PLCG2: variants seen among roughly 807,000 people sequenced by gnomAD.
The protein encoded by PLCG2 is 1-phosphatidylinositol 4,5-bisphosphate phosphodiesterase gamma-2.
A neutral mutation model predicts 175.6 loss-of-function variants in PLCG2; 69 were observed. The ratio of observed to expected loss-of-function variants is 0.39; its 90% CI spans 0.32 to 0.48. The LOEUF (loss-of-function observed/expected upper bound fraction) is 0.48. Among genes scored for constraint, PLCG2 ranks in the 20% least tolerant of loss-of-function variants. The pLI is 0.91. For synonymous variants in PLCG2, 827 were observed against 624.0 expected, an observed-to-expected ratio of 1.33 and a Z score of -4.85; for missense variants, 1,798 against 1,650.9, an observed-to-expected ratio of 1.09 and a Z score of -1.54.
intron 31 of PLCG2, among the ~76,000 whole-genome samples, chr16:81,951,667 T>C (rs1427039374): frequency 6.6e-6 from 1 of 152,204 alleles, no homozygotes; most frequent in African/African-American, 2.4e-5. Flanking sequence ...TGTGTGAATA[T>C]AGATGTTAAA....
chr16:81,843,136 A>G (rs1905924225), intron 2 of PLCG2, among the ~76,000 whole-genome samples: 1 of 152,092 alleles, frequency 6.6e-6, no homozygotes, highest in Non-Finnish European at 1.5e-5. Flanking sequence ...ACCATGCAAG[A>G]GTGCATGGCC....
chr16:81,858,193 G>A, intron 3 of PLCG2, 70 bp from the exon 4 acceptor site: 1 of 1,085,948 alleles, frequency 9.2e-7, no homozygotes, highest in Non-Finnish European at 1.4e-6. Flanking sequence ...ATCTGTATGG[G>A]GCAGGGCTTT....
rs1911816290 is a variant in PLCG2 at position 81,962,593 on chromosome 16, A to C, written c.*4595A>C. ...ATGTGCTTTGTGTACATAGAGAATT[A>C]AGTGAATGAGTCACACAGATGTTGG... is the stretch of plus-strand genomic sequence containing the variant. On this transcript the variant is annotated 3_prime_UTR_variant, in exon 33 of 33. Transcript: ENST00000564138. 1 of 222,656 alleles carries C rather than the reference A, an allele frequency of 4.5e-6. No homozygotes were observed. The highest frequency in any genetic ancestry group is 2.2e-5 in the African/African-American group (1 of 44,806). The allele number at this position is 222,656 out of a possible 1,614,324, so 13.8% of individuals were successfully genotyped here.
intron 15 of PLCG2, 105 bp from the exon 16 acceptor site, chr16:81,907,580 G>C (rs1909430025): frequency 1.6e-6 from 1 of 617,728 alleles, no homozygotes; most frequent in Non-Finnish European, 2.9e-6. Context: ...ACTGGGAAAA[G>C]CACATCCATA....
At chr16:81,870,739 A>G (rs529205694) in intron 6 of PLCG2, 113 bp from the exon 7 acceptor site, 2 of 576,294 alleles carry the variant, frequency 3.5e-6, no homozygotes, top group African/African-American at 1.9e-5. Context: ...TCTCTTCAGC[A>G]TGCCAATAAA....
intron 1 of PLCG2, among the ~76,000 whole-genome samples, chr16:81,753,076 G>C (rs1251055778): frequency 6.6e-6 from 1 of 152,238 alleles, no homozygotes; most frequent in Non-Finnish European, 1.5e-5. Context: ...GAGCTGTCCA[G>C]GGTGCCCCAC....
At chr16:81,853,260 G>A (rs1336713284) in intron 2 of PLCG2, among the ~76,000 whole-genome samples, 5 of 152,018 alleles carry the variant, frequency 3.3e-5, no homozygotes, top group Admixed American at 2.6e-4. Flanking sequence ...GAACCTGGGA[G>A]GCAGACGTTG....
At chr16:81,851,597 C>T (rs1906414491) in intron 2 of PLCG2, among the ~76,000 whole-genome samples, 1 of 152,180 alleles carries the variant, frequency 6.6e-6, no homozygotes, top group Non-Finnish European at 1.5e-5. Context: ...CCTGCAACCT[C>T]CGCCTCCCGA....
intron 16 of PLCG2, 84 bp downstream of exon 16, chr16:81,907,858 G>C: frequency 1.1e-6 from 1 of 916,486 alleles, no homozygotes; most frequent in Non-Finnish European, 1.7e-6. Context: ...CTTCCCATGT[G>C]GCTTCTCTGG....
rs764507005 is a variant in PLCG2, at chr16:81,931,524, A to G, written c.2609A>G (p.Lys870Arg). Residue 870 changes from lysine to arginine, a missense_variant, in exon 25 of 33, where the codon AAG (lysine) becomes AGG (arginine). Coordinates refer to ENST00000564138, the MANE Select transcript of PLCG2 (RefSeq NM_002661.5). ...AAAGCCCCTCAGGGAAAAAACCAGA[A>G]GTCCTTTGTCTTCATCCTGGAGCCC... ...VVKAPQGKNQ[K>R]SFVFILEPKQ... The G allele has an allele frequency of 1.9e-6, 3 of 1,613,978 alleles. No individual in the cohort carries two copies. In the Admixed American group the frequency reaches 5.0e-5, roughly 27 times the overall value.
At chr16:81,846,908 G>A (rs1460618902) in intron 2 of PLCG2, among the ~76,000 whole-genome samples, 6 of 151,856 alleles carry the variant, frequency 4.0e-5, no homozygotes, top group African/African-American at 1.5e-4. Context: ...TTCCCCCCAC[G>A]CATCAAGCAA....
Position 81,858,263 on chromosome 16 carries a change from C to A in PLCG2, c.338C>A (p.Ala113Asp). ...QFVLSTLSLA[A>D]DSKEDAVNWL... ...TTTCTGTTCCCTTTCTCCACTCCAGCTGACTCTAAAGAGGATGCAGTTAAC... is the reference window on the plus strand; with the variant it reads ...TTTCTGTTCCCTTTCTCCACTCCAGATGACTCTAAAGAGGATGCAGTTAAC... The change falls in exon 4 of 33, where the codon GCT (alanine) becomes GAT (aspartate). Residue 113 changes from alanine to aspartate, a missense_variant and splice_region_variant. Ala to Asp is a moderately radical substitution (Grantham distance 126, BLOSUM62 -2). Transcript: ENST00000564138. 6.2e-7 allele frequency: 1 copy of A among 1,608,482 alleles called. No individual in the cohort carries two copies. The highest frequency in any genetic ancestry group is 8.5e-7 in the Non-Finnish European group (1 of 1,174,810).
intron 2 of PLCG2, among the ~76,000 whole-genome samples, chr16:81,760,074 C>G (rs1468643379): frequency 6.6e-6 from 1 of 152,148 alleles, no homozygotes; most frequent in African/African-American, 2.4e-5. Flanking sequence ...TGCAGTGAGC[C>G]GAGATCGCGC....
Position 81,869,124 on chromosome 16 carries a change from GC to G in PLCG2, c.480-89del, listed in dbSNP as rs77062887. The G allele has an allele frequency of 0.16, 143,537 of 890,560 alleles. 14,812 individuals carry two copies. Among genetic ancestry groups the G allele is most frequent in the East Asian group, 0.46 (19,054 of 41,476 alleles). The allele number at this position is 890,560 out of a possible 1,614,324, so 55.2% of individuals were successfully genotyped here. Reference sequence around the variant, plus strand: ...TGTTGACCAGGCTCTCTCATAGAGGGCTGCCTGAGGTGGGAACTGATGGGAG... The same window carrying G: ...TGTTGACCAGGCTCTCTCATAGAGGGTGCCTGAGGTGGGAACTGATGGGAG... On this transcript the variant is annotated intron_variant, in intron 5 of 32. Coordinates refer to ENST00000564138, the MANE Select transcript of PLCG2 (RefSeq NM_002661.5).
At chr16:81,860,169 A>AT (rs1375490447) in intron 5 of PLCG2, among the ~76,000 whole-genome samples, 46 of 93,382 alleles carry the variant, frequency 4.9e-4, no homozygotes, top group South Asian at 2.7e-3. Flanking sequence ...TATTATTATT[A>AT]TTATTTTTTT....
chr16:81,757,943 T>C (rs1409648741), intron 2 of PLCG2, among the ~76,000 whole-genome samples: 1 of 152,202 alleles, frequency 6.6e-6, no homozygotes, highest in Non-Finnish European at 1.5e-5. Flanking sequence ...TTCTTTCACT[T>C]AGCATCATGT....
At chr16:81,764,344 C>A (rs893604175) in intron 2 of PLCG2, among the ~76,000 whole-genome samples, 10 of 152,168 alleles carry the variant, frequency 6.6e-5, no homozygotes, top group Middle Eastern at 3.4e-3. Context: ...TTACAAAGAT[C>A]TGGCAGATTC....
At chr16:81,832,136 G>T (rs1205684353) in intron 2 of PLCG2, among the ~76,000 whole-genome samples, 2 of 151,998 alleles carry the variant, frequency 1.3e-5, no homozygotes, top group Non-Finnish European at 2.9e-5. Flanking sequence ...TGGCGATTCT[G>T]TGGCACTCAA....
At chr16:81,808,848 C>T (rs530105739) in intron 2 of PLCG2, among the ~76,000 whole-genome samples, 3 of 152,302 alleles carry the variant, frequency 2.0e-5, no homozygotes, top group East Asian at 1.9e-4. Context: ...GCCTCTGTTT[C>T]CCCCTATGCA....
Sources: allele counts gnomAD v4.1 joint callset (sites outside exome capture counted in the v4.1 genomes callset), GRCh38; gene constraint gnomAD v4.1.1; transcripts MANE v1.5; gene names NCBI Gene and HGNC (gene_info 2026-07-23, HGNC 2026-07-21).